The following ARHGAP22 variants were observed in gnomAD, a reference collection of about 807,000 sequenced individuals.
The protein encoded by ARHGAP22 is rho GTPase-activating protein 22.
A neutral mutation model predicts 59.1 loss-of-function variants in ARHGAP22; 48 were observed. That is an observed-to-expected ratio of 0.81 (90% CI 0.64 to 1.03). The LOEUF (loss-of-function observed/expected upper bound fraction) is 1.03, where lower values mean the gene tolerates loss of function less well. ARHGAP22 is among the 50% of genes least tolerant of loss of function. ARHGAP22 has a pLI of 0.00. For synonymous variants in ARHGAP22, 445 were observed against 416.4 expected (o/e 1.07, Z -0.84); for missense variants, 1,015 against 958.7 (o/e 1.06, Z -0.78).
intron 2 of ARHGAP22, among the ~76,000 whole-genome samples, chr10:48,572,046 TA>T (rs976504247): frequency 6.6e-6 from 1 of 152,192 alleles, no homozygotes; most frequent in Non-Finnish European, 1.5e-5. Flanking sequence ...CTGGCTGTGA[TA>T]GGAGGTCAAA....
chr10:48,596,508 G>C (rs2060075708), intron 1 of ARHGAP22, among the ~76,000 whole-genome samples: 1 of 152,172 alleles, frequency 6.6e-6, no homozygotes, highest in Admixed American at 6.5e-5. Flanking sequence ...GCCTCACTGA[G>C]AGGTGGAGTG....
At chr10:48,510,281 A>T (rs1024029738) in intron 3 of ARHGAP22, among the ~76,000 whole-genome samples, 1 of 152,174 alleles carries the variant, frequency 6.6e-6, no homozygotes, top group East Asian at 1.9e-4. Flanking sequence ...CATAGAAGGA[A>T]CTCCTCTTGA....
intron 4 of ARHGAP22, among the ~76,000 whole-genome samples, chr10:48,473,210 C>T (rs2048384838): frequency 6.6e-6 from 1 of 152,174 alleles, no homozygotes; most frequent in South Asian, 2.1e-4. Flanking sequence ...AACTTGAGAA[C>T]ATTATGCAAA....
intron 1 of ARHGAP22, among the ~76,000 whole-genome samples, chr10:48,586,260 G>C (rs1210347048): frequency 6.6e-6 from 1 of 152,176 alleles, no homozygotes. Flanking sequence ...ACTAAGGTTT[G>C]AGTTTGCATC....
the ARHGAP22 span, chr10:48,431,261 T>C: frequency 1.2e-6 from 2 of 1,610,132 alleles, no homozygotes; most frequent in Non-Finnish European, 1.7e-6. Flanking sequence ...GGGGCAGCCC[T>C]CTCCTTTAGG....
chr10:48,465,642 G>T (rs2047584593), intron 4 of ARHGAP22, among the ~76,000 whole-genome samples: 1 of 152,256 alleles, frequency 6.6e-6, no homozygotes, highest in African/African-American at 2.4e-5. Flanking sequence ...TCTTGGAGCT[G>T]ATCCCGGAGC....
At chr10:48,606,071 T>C (rs1235941551), upstream of ARHGAP22, among the ~76,000 whole-genome samples, 1 of 152,138 alleles carries the variant, frequency 6.6e-6, no homozygotes, top group Non-Finnish European at 1.5e-5. Flanking sequence ...GCATCTGAGC[T>C]TGGGTCTGGC....
intron 3 of ARHGAP22, among the ~76,000 whole-genome samples, chr10:48,509,616 T>C (rs2052541805): frequency 1.3e-5 from 2 of 152,162 alleles, no homozygotes; most frequent in South Asian, 4.1e-4. Flanking sequence ...CCCTGGCCTC[T>C]TCCGGGGCTC....
At chr10:48,574,606 CACA>C (rs2058595196) in intron 2 of ARHGAP22, 1 of 152,162 alleles carries the variant, frequency 6.6e-6, no homozygotes, top group South Asian at 2.1e-4. Context: ...GAGCTGTGAG[CACA>C]AGATGAGCTC....
chr10:48,448,745 C>CG (rs1421271236), intron 9 of ARHGAP22, among the ~76,000 whole-genome samples: 1 of 152,196 alleles, frequency 6.6e-6, no homozygotes, highest in South Asian at 2.1e-4. Context: ...ACCAAGACAA[C>CG]GACCCAGACC....
chr10:48,587,089 T>A (rs1048990368), intron 1 of ARHGAP22, among the ~76,000 whole-genome samples: 1 of 152,170 alleles, frequency 6.6e-6, no homozygotes, highest in Non-Finnish European at 1.5e-5. Context: ...GAAACCACCC[T>A]GCCCAGATAA....
intron 1 of ARHGAP22, among the ~76,000 whole-genome samples, chr10:48,638,414 G>A (rs761293961): frequency 3.3e-5 from 5 of 152,056 alleles, no homozygotes; most frequent in Non-Finnish European, 5.9e-5. Flanking sequence ...GTGTGTGTGT[G>A]TATGTTTAGC....
chr10:48,543,308 A>G (rs537382474), intron 3 of ARHGAP22, among the ~76,000 whole-genome samples: 2 of 152,230 alleles, frequency 1.3e-5, no homozygotes, highest in South Asian at 4.1e-4. Context: ...TGCCTTGGGG[A>G]CAGCCCTCCT....
At chr10:48,521,573 G>T (rs1048581294) in intron 3 of ARHGAP22, among the ~76,000 whole-genome samples, 1 of 152,188 alleles carries the variant, frequency 6.6e-6, no homozygotes, top group Non-Finnish European at 1.5e-5. Flanking sequence ...TGCTTTAATT[G>T]AAATGATATC....
At chr10:48,579,082 GTCTT>G (rs1013821176) in intron 2 of ARHGAP22, among the ~76,000 whole-genome samples, 6 of 149,488 alleles carry the variant, frequency 4.0e-5, no homozygotes, top group East Asian at 2.1e-4. Flanking sequence ...TTTTTTACTT[GTCTT>G]TCTTTCTTGT....
chr10:48,583,444 C>T (rs897425548), intron 1 of ARHGAP22, among the ~76,000 whole-genome samples: 1 of 152,234 alleles, frequency 6.6e-6, no homozygotes, highest in Non-Finnish European at 1.5e-5. Flanking sequence ...TTCATCCATG[C>T]ATCCATGTAT....
chr10:48,628,786 A>G (rs1441119518), intron 1 of ARHGAP22, among the ~76,000 whole-genome samples: 3 of 152,134 alleles, frequency 2.0e-5, no homozygotes, highest in African/African-American at 7.2e-5. Context: ...TGGAGTCATC[A>G]TCTTTGGTGC....
chr10:48,566,851 C>T (rs1436879575), intron 2 of ARHGAP22, among the ~76,000 whole-genome samples: 3 of 152,228 alleles, frequency 2.0e-5, no homozygotes, highest in African/African-American at 7.2e-5. Flanking sequence ...TCCCAACTGG[C>T]CACAGCCCCT....
chr10:48,523,517 C>T (rs2054009434), intron 3 of ARHGAP22, among the ~76,000 whole-genome samples: 1 of 152,256 alleles, frequency 6.6e-6, no homozygotes. Context: ...AGCAGCTCTG[C>T]TCGCAGGTTC....
Sources: allele counts gnomAD v4.1 joint callset (sites outside exome capture counted in the v4.1 genomes callset), GRCh38; gene constraint gnomAD v4.1.1; transcripts MANE v1.5; gene names NCBI Gene and HGNC (gene_info 2026-07-23, HGNC 2026-07-21).